The following STK32B variants were observed in gnomAD, a reference collection of about 807,000 sequenced individuals.
STK32B encodes the protein serine/threonine kinase 32B.
STK32B carries 43 observed loss-of-function variants against 52.6 expected under a neutral mutation model. The ratio of observed to expected loss-of-function variants is 0.82; its 90% CI spans 0.64 to 1.05. The LOEUF is 1.05. Ranked by LOEUF, STK32B falls within the 50% of genes least tolerant of loss-of-function variation. STK32B has a pLI of 0.00. For missense variants in STK32B, 621 were observed against 534.6 expected, an observed-to-expected ratio of 1.16 and a Z score of -1.59; for synonymous variants, 238 against 204.3, an observed-to-expected ratio of 1.17 and a Z score of -1.41.
intron 1 of STK32B, among the ~76,000 whole-genome samples, chr4:5,114,317 T>C (rs995888280): frequency 2.0e-5 from 3 of 151,936 alleles, no homozygotes; most frequent in Non-Finnish European, 2.9e-5. Flanking sequence ...GGTCTCAGTT[T>C]AAAGCTCACT....
chr4:5,410,635 T>A (rs1394883562), intron 5 of STK32B, among the ~76,000 whole-genome samples: 1 of 152,150 alleles, frequency 6.6e-6, no homozygotes, highest in Non-Finnish European at 1.5e-5. Flanking sequence ...ACAGCCAGGC[T>A]CGAATTCCTT....
intron 1 of STK32B, among the ~76,000 whole-genome samples, chr4:5,137,545 G>T (rs1716149045): frequency 6.6e-6 from 1 of 152,064 alleles, no homozygotes; most frequent in African/African-American, 2.4e-5. Context: ...CTTTTTGAAA[G>T]GTTGTAGTGT....
chr4:5,365,017 AG>A (rs1324103402), intron 4 of STK32B, among the ~76,000 whole-genome samples: 4 of 152,100 alleles, frequency 2.6e-5, no homozygotes, highest in African/African-American at 9.7e-5. Context: ...CTGGGATTAC[AG>A]GCATCCACCA....
intron 1 of STK32B, among the ~76,000 whole-genome samples, chr4:5,116,986 T>C (rs1714761624): frequency 6.6e-6 from 1 of 152,228 alleles, no homozygotes; most frequent in African/African-American, 2.4e-5. Flanking sequence ...TTTTTGCATG[T>C]TGAGTTTGTA....
chr4:5,456,664 C>T (rs1716548404), intron 7 of STK32B, 143 bp from the exon 8 acceptor site: 3 of 752,446 alleles, frequency 4.0e-6, no homozygotes, highest in Non-Finnish European at 6.1e-6. Context: ...GTTCGGGCCA[C>T]CTGCTCTGCC....
In STK32B at chr4:5,393,709, A is replaced by G. The variant is rs138841959; in HGVS notation, c.435-4498A>G. On this transcript the variant is annotated intron_variant, in intron 4 of 11. Transcript: ENST00000282908. ...AAACCATTCAGGAGAAACCACCCCC[A>G]TGATCCAATCACCTCCTACCAGGCC... Among the ~76,000 whole-genome samples the G allele has an allele frequency of 3.9e-3, 596 of 152,256 alleles. 8 individuals are homozygous for G. Among genetic ancestry groups the G allele is most frequent in the African/African-American group, 0.014 (562 of 41,546 alleles).
At chr4:5,130,172 G>A (rs543016333) in intron 1 of STK32B, among the ~76,000 whole-genome samples, 17 of 151,466 alleles carry the variant, frequency 1.1e-4, no homozygotes, top group Admixed American at 4.6e-4. Context: ...CTTCTCCGGC[G>A]GGGGGAGGCC....
intron 3 of STK32B, among the ~76,000 whole-genome samples, chr4:5,292,854 A>ATGGTGGT (rs1480907713): frequency 2.6e-5 from 4 of 151,896 alleles, no homozygotes; most frequent in Non-Finnish European, 5.9e-5. Flanking sequence ...TACATGTGCC[A>ATGGTGGT]TGGTGGTTTG....
chr4:5,342,785 T>C (rs188196443), intron 4 of STK32B, among the ~76,000 whole-genome samples: 41 of 152,304 alleles, frequency 2.7e-4, no homozygotes, highest in African/African-American at 9.1e-4. Context: ...ACACCTGATA[T>C]AATGCCTGGC....
At chr4:5,169,997 G>A (rs1180253589) in intron 3 of STK32B, among the ~76,000 whole-genome samples, 1 of 152,138 alleles carries the variant, frequency 6.6e-6, no homozygotes, top group East Asian at 1.9e-4. Context: ...TCTGGCGGGA[G>A]CGCTACCTCC....
At position 5,291,697 on chromosome 4, in the gene STK32B, G is replaced by A. The variant is rs764532255; in HGVS notation, c.261-39523G>A. Reference sequence around the variant, plus strand: ...TTCCAATACAGTGTTGAGTAGAAGTGGTGAGAGCTGGCATCCTTGTTTTGT... The same window carrying A: ...TTCCAATACAGTGTTGAGTAGAAGTAGTGAGAGCTGGCATCCTTGTTTTGT... On this transcript the variant is annotated intron_variant, in intron 3 of 11. Transcript: ENST00000282908. Among the ~76,000 whole-genome samples the A allele has an allele frequency of 5.1e-4, 78 of 152,188 alleles. 1 individual carries two copies. Among genetic ancestry groups the A allele is most frequent in the Admixed American group, 3.7e-3 (57 of 15,280 alleles).
At chr4:5,464,493 G>T (rs1051646739) in intron 9 of STK32B, among the ~76,000 whole-genome samples, 1 of 152,236 alleles carries the variant, frequency 6.6e-6, no homozygotes. Flanking sequence ...TGAGGGCCGC[G>T]AAGTGTTGGC....
intron 3 of STK32B, among the ~76,000 whole-genome samples, chr4:5,232,122 C>G (rs543200635): frequency 6.6e-6 from 1 of 152,114 alleles, no homozygotes; most frequent in Non-Finnish European, 1.5e-5. Context: ...AACAGGTGTG[C>G]CCTGGACCTT....
rs1385441550 is a variant in STK32B, at chr4:5,463,566, A to C, written c.910-3137A>C. ...CCCCCACACACAGTCTCACACACAT[A>C]CCTACTCATCCTACACAAGCACATG... On this transcript the variant is annotated intron_variant, in intron 9 of 11. Transcript: ENST00000282908. Among the ~76,000 whole-genome samples the C allele has an allele frequency of 2.0e-5, 3 of 151,978 alleles. No homozygotes were observed. The South Asian group carries it at 6.2e-4, about 32-fold the overall frequency.
At chr4:5,362,789 G>A (rs1273690013) in intron 4 of STK32B, among the ~76,000 whole-genome samples, 1 of 152,166 alleles carries the variant, frequency 6.6e-6, no homozygotes, top group Non-Finnish European at 1.5e-5. Flanking sequence ...TCTTCCATCT[G>A]TGCCTTCCCT....
chr4:5,289,685 ATTTTTTT>A (rs56211807), intron 3 of STK32B, among the ~76,000 whole-genome samples: 36 of 86,882 alleles, frequency 4.1e-4, no homozygotes, highest in South Asian at 8.7e-4. Flanking sequence ...TGCCCGGCTA[ATTTTTTT>A]TTTTTTTTTT....
intron 1 of STK32B, among the ~76,000 whole-genome samples, chr4:5,067,780 G>A (rs1742479893): frequency 6.6e-6 from 1 of 152,150 alleles, no homozygotes. Context: ...CAGGAAGCAT[G>A]ATGGCTTCTA....
chr4:5,024,849 A>G, the STK32B span, among the ~76,000 whole-genome samples: 28,376 of 152,156 alleles, frequency 0.19, 3,157 homozygotes, highest in African/African-American at 0.31. Flanking sequence ...AAAAATCTGT[A>G]TGTCATCCAT....
rs966168120 is a variant in STK32B, at chr4:5,394,644, A to G, written c.435-3563A>G. 1.3e-5 allele frequency among the ~76,000 whole-genome samples: 2 copies of G among 152,316 alleles called. No individual in the cohort carries two copies. Among genetic ancestry groups the G allele is most frequent in the East Asian group, 3.9e-4 (2 of 5,170 alleles). On this transcript the variant is annotated intron_variant, in intron 4 of 11. Transcript: ENST00000282908. This position sits in a 1 kb window ranked among gnomAD's most constrained non-coding sequence, Gnocchi z 4.2. ...CTCCCTAGCTCCTTTTGAAAGAGCAATGACAGTCCCATCACTGTGACTTAT... is the reference window on the plus strand; with the variant it reads ...CTCCCTAGCTCCTTTTGAAAGAGCAGTGACAGTCCCATCACTGTGACTTAT...
Sources: gnomAD v4.1 joint callset for allele counts (sites outside exome capture counted in the v4.1 genomes callset) on GRCh38, gnomAD v4.1.1 for gene constraint, Gnocchi (gnomAD v3.1) non-coding constraint, MANE v1.5 for transcripts, NCBI Gene and HGNC (gene_info 2026-07-23, HGNC 2026-07-21) for gene names.